SHE: variants seen among roughly 807,000 people sequenced by gnomAD.
SHE encodes the protein SH2 domain-containing adapter protein E.
Under a neutral mutation model 49.8 loss-of-function variants are expected in SHE, and 11 were observed. That is an observed-to-expected ratio of 0.22 (90% CI 0.14 to 0.37). The LOEUF is 0.37. Ranked by LOEUF, SHE falls within the 10% of genes least tolerant of loss-of-function variation. The pLI is 1.00. For synonymous variants in SHE, 310 were observed against 278.1 expected, an observed-to-expected ratio of 1.11 and a Z score of -1.14; for missense variants, 624 against 655.5, an observed-to-expected ratio of 0.95 and a Z score of 0.52.
At chr1:154,475,800 G>A (rs1691864867), downstream of SHE, among the ~76,000 whole-genome samples, 1 of 151,888 alleles carries the variant, frequency 6.6e-6, no homozygotes, top group African/African-American at 2.4e-5. Flanking sequence ...TTTTGAGACA[G>A]TGTCTCACTC....
At chr1:154,477,388 A>G (rs561542192), downstream of SHE, among the ~76,000 whole-genome samples, 1 of 152,136 alleles carries the variant, frequency 6.6e-6, no homozygotes, top group South Asian at 2.1e-4. Context: ...TTTTTTTTAT[A>G]AGAGATGGGG....
chr1:154,497,539 G>T (rs2149298823), intron 2 of SHE, among the ~76,000 whole-genome samples: 1 of 152,244 alleles, frequency 6.6e-6, no homozygotes, highest in East Asian at 1.9e-4. Flanking sequence ...TGACTAAAAG[G>T]GAAAAGTTTG....
At chr1:154,493,269 AC>A (rs1253202330) in intron 2 of SHE, among the ~76,000 whole-genome samples, 4 of 151,386 alleles carry the variant, frequency 2.6e-5, no homozygotes, top group Admixed American at 6.6e-5. Context: ...TCCCCACACC[AC>A]CCCCCTCTTC....
chr1:154,492,228 GC>G (rs1557800519), intron 2 of SHE, among the ~76,000 whole-genome samples: 2 of 151,966 alleles, frequency 1.3e-5, no homozygotes, highest in Non-Finnish European at 2.9e-5. Context: ...GAAATCACCC[GC>G]GGGCTTTCAC....
chr1:154,470,003 G>T (rs557190214), exon 2 of SHE: 1 of 287,974 alleles, frequency 3.5e-6, no homozygotes, highest in Non-Finnish European at 6.9e-6. Context: ...ATGGGGAGGC[G>T]AGAACTGCAG....
chr1:154,483,674 C>G lies in SHE; in HGVS notation c.*475G>C. ...AAGGAAACAAGGGACAGGCCACAAACAAAGTGTCATGGAATCACTTTAAGA... is the reference window on the plus strand; with the variant it reads ...AAGGAAACAAGGGACAGGCCACAAAGAAAGTGTCATGGAATCACTTTAAGA... On this transcript the variant is annotated 3_prime_UTR_variant, in exon 6 of 6. Transcript: ENST00000304760. 2.0e-6 allele frequency: 2 copies of G among 987,632 alleles called. No individual in the cohort carries two copies. The highest frequency in any genetic ancestry group is 2.4e-6 in the Non-Finnish European group (2 of 831,394). 61.2% of individuals were successfully genotyped at this position (987,632 alleles called of 1,614,324 possible).
exon 2 of SHE, chr1:154,470,079 C>T: frequency 3.0e-6 from 1 of 337,986 alleles, no homozygotes; most frequent in Non-Finnish European, 5.9e-6. Flanking sequence ...TGGGCCCCCA[C>T]CTGGGCAGTC....
Position 154,482,891 on chromosome 1 carries a change from C to A in SHE, c.*1258G>T. 1.0e-6 allele frequency: 1 copy of A among 985,234 alleles called. No individual in the cohort carries two copies. Among genetic ancestry groups the A allele is most frequent in the Non-Finnish European group, 1.2e-6 (1 of 829,834 alleles). The allele number at this position is 985,234 out of a possible 1,614,324, so 61.0% of individuals were successfully genotyped here. On this transcript the variant is annotated 3_prime_UTR_variant, in exon 6 of 6. Coordinates refer to ENST00000304760, the MANE Select transcript of SHE (RefSeq NM_001010846.3). Reference sequence around the variant, plus strand: ...AGAGACCCAGTTCATATAATCAGATCTTAGGGTTGCATTTTTAAAAAATTT... The same window carrying A: ...AGAGACCCAGTTCATATAATCAGATATTAGGGTTGCATTTTTAAAAAATTT...
At chr1:154,477,890 CAAAAAAAAA>C (rs35912019), downstream of SHE, among the ~76,000 whole-genome samples, 1 of 104,354 alleles carries the variant, frequency 9.6e-6, no homozygotes, top group South Asian at 3.2e-4. Flanking sequence ...GACACTGTCT[CAAAAAAAAA>C]AAAAAAAAAA....
intron 1 of SHE, among the ~76,000 whole-genome samples, chr1:154,471,027 A>C (rs76751562): frequency 2.8e-4 from 4 of 14,334 alleles, no homozygotes; most frequent in Non-Finnish European, 9.7e-4. Flanking sequence ...AAAAAAAAAA[A>C]ACACAAAAAA....
chr1:154,482,808 T>A lies in SHE; in HGVS notation c.*1341A>T. On this transcript the variant is annotated 3_prime_UTR_variant, in exon 6 of 6. Transcript: ENST00000304760. ...AAAACCTCTAGGTCTTTTCAAACAC[T>A]TCTGTATAGTACAAGGCAGTCTGCT... is the stretch of plus-strand genomic sequence containing the variant. 3 of 985,444 alleles carry A rather than the reference T, an allele frequency of 3.0e-6. No individual in the cohort carries two copies. The highest frequency in any genetic ancestry group is 3.6e-6 in the Non-Finnish European group (3 of 829,924). The allele number at this position is 985,444 out of a possible 1,614,324, so 61.0% of individuals were successfully genotyped here.
Position 154,501,762 on chromosome 1 carries a change from G to C in SHE, c.265C>G (p.Leu89Val), listed in dbSNP as rs1200743299. 6 of 1,567,806 alleles carry C rather than the reference G, an allele frequency of 3.8e-6. No individual in the cohort carries two copies. Among genetic ancestry groups the C allele is most frequent in the African/African-American group, 1.4e-5 (1 of 73,912 alleles). ...CCGACGCCGGCCCTGCCGCTCCCCA[G>C]CTCGGCCGCCGAGTTCTTGCGGCCC... is the stretch of plus-strand genomic sequence containing the variant. Reference protein sequence around the residue: ...GKGRKNSAAELGSGRAGVGPK... With the variant: ...GKGRKNSAAEVGSGRAGVGPK... Residue 89 changes from leucine to valine, a missense_variant, in exon 1 of 6, where the codon CTG becomes GTG. Physicochemically the swap from Leu to Val is conservative, Grantham distance 32 (BLOSUM62 1). Coordinates refer to ENST00000304760, the MANE Select transcript of SHE (RefSeq NM_001010846.3).
At chr1:154,484,529 G>C in intron 5 of SHE, 194 bp from the exon 6 acceptor site, 1 of 542,272 alleles carries the variant, frequency 1.8e-6, no homozygotes, top group Non-Finnish European at 3.3e-6. Context: ...TGTAATCCTT[G>C]AGTGGTTTAT....
chr1:154,482,647 A>G lies in SHE; in HGVS notation c.*1502T>C, dbSNP rs1692051364. ...CACATCTGCTGAATTTTAATTCTGG[A>G]GCCATTCACCATAGTACTCTTCTCA... On this transcript the variant is annotated 3_prime_UTR_variant, in exon 6 of 6. Coordinates refer to ENST00000304760, the MANE Select transcript of SHE (RefSeq NM_001010846.3). The G allele has an allele frequency of 4.1e-6, 4 of 985,450 alleles. No homozygotes were observed. The highest frequency in any genetic ancestry group is 4.8e-6 in the Non-Finnish European group (4 of 829,942). 61.0% of individuals were successfully genotyped at this position (985,450 alleles called of 1,614,324 possible). A position where few individuals can be genotyped will look rare whatever the true frequency, so the allele number is the denominator to read the frequency against.
rs1692072167 is a variant in SHE at position 154,483,351 on chromosome 1, A to C, written c.*798T>G. On this transcript the variant is annotated 3_prime_UTR_variant, in exon 6 of 6. Transcript: ENST00000304760. ...CTGAATTAGGACTTCTGAGGGAGAA[A>C]GACCACCTTCTTGCCCGTCATTCAC... 1.0e-6 allele frequency: 1 copy of C among 985,408 alleles called. No individual in the cohort carries two copies. Among genetic ancestry groups the C allele is most frequent in the African/African-American group, 1.7e-5 (1 of 57,340 alleles). 61.0% of individuals were successfully genotyped at this position (985,408 alleles called of 1,614,324 possible). A position where few individuals can be genotyped will look rare whatever the true frequency, so the allele number is the denominator to read the frequency against.
Position 154,483,583 on chromosome 1 carries a change from G to C in SHE, c.*566C>G. ...CTTCCTGAGGGTCACACCATAAAAA[G>C]AACACCCTACCCCAGAGCTGGAGGC... On this transcript the variant is annotated 3_prime_UTR_variant, in exon 6 of 6. Transcript: ENST00000304760. The C allele has an allele frequency of 1.0e-6, 1 of 985,528 alleles. No homozygotes were observed. Among genetic ancestry groups the C allele is most frequent in the Non-Finnish European group, 1.2e-6 (1 of 830,080 alleles). The allele number at this position is 985,528 out of a possible 1,614,324, so 61.0% of individuals were successfully genotyped here.
chr1:154,480,340 C>T lies in SHE; in HGVS notation c.*3809G>A. 2 of 985,420 alleles carry T rather than the reference C, an allele frequency of 2.0e-6. No homozygotes were observed. Among genetic ancestry groups the T allele is most frequent in the Non-Finnish European group, 2.4e-6 (2 of 829,938 alleles). The allele number at this position is 985,420 out of a possible 1,614,324, so 61.0% of individuals were successfully genotyped here. A position where few individuals can be genotyped will look rare whatever the true frequency, so the allele number is the denominator to read the frequency against. ...GAAGGAGGGAGAAACAAGGGGCTAA[C>T]CTTTGACTGAAAAAGGGCATCTGAC... On this transcript the variant is annotated 3_prime_UTR_variant, in exon 6 of 6. Transcript: ENST00000304760.
chr1:154,486,457 T>G, intron 4 of SHE, 70 bp downstream of exon 4: 3 of 1,569,692 alleles, frequency 1.9e-6, no homozygotes, highest in Non-Finnish European at 2.6e-6. Flanking sequence ...AATGGGCCAA[T>G]GTGCTCCCTG....
chr1:154,489,397 A>G (rs769012798), intron 2 of SHE, 41 bp from the exon 3 acceptor site: 2 of 1,583,862 alleles, frequency 1.3e-6, no homozygotes, highest in Admixed American at 1.8e-5. Flanking sequence ...CACACCATAC[A>G]CAATGTCTTG....
Sources: allele counts gnomAD v4.1 joint callset (sites outside exome capture counted in the v4.1 genomes callset), GRCh38; gene constraint gnomAD v4.1.1; transcripts MANE v1.5; gene names NCBI Gene and HGNC (gene_info 2026-07-23, HGNC 2026-07-21).